Variants in RANBP2 observed in about 807,000 individuals in gnomAD.
RANBP2 encodes E3 SUMO-protein ligase RanBP2.
In RANBP2, 57 loss-of-function variants were observed where a neutral mutation model predicts 303.6. The observed-to-expected ratio is 0.19, with a 90% CI of 0.15 to 0.23. The LOEUF (loss-of-function observed/expected upper bound fraction) is 0.23, where lower values mean the gene tolerates loss of function less well. RANBP2 is among the 10% of genes least tolerant of loss of function. The pLI, the probability that RANBP2 is intolerant of heterozygous loss-of-function variation, is 1.00. For synonymous variants in RANBP2, 1,167 were observed against 1,301.5 expected (o/e 0.90, Z 2.23); for missense variants, 3,138 against 3,780.8 (o/e 0.83, Z 4.46).
chr2:109,155,986 A>G, the RANBP2 span, among the ~76,000 whole-genome samples: 1 of 152,304 alleles, frequency 6.6e-6, no homozygotes, highest in East Asian at 1.9e-4. Context: ...CTCTGCAGGG[A>G]TTCTCTGGGG....
At chr2:109,189,196 T>C in the RANBP2 span, among the ~76,000 whole-genome samples, 2 of 151,188 alleles carry the variant, frequency 1.3e-5, no homozygotes, top group South Asian at 4.2e-4. Context: ...CTGCTTCTGA[T>C]ACCCCCGAGA....
At chr2:109,421,440 C>G in the RANBP2 span, among the ~76,000 whole-genome samples, 1 of 152,254 alleles carries the variant, frequency 6.6e-6, no homozygotes, top group Non-Finnish European at 1.5e-5. Context: ...AAGAAGGCTT[C>G]TCTGTCCTGG....
chr2:108,931,250 G>T, the RANBP2 span, among the ~76,000 whole-genome samples: 1 of 152,262 alleles, frequency 6.6e-6, no homozygotes, highest in Non-Finnish European at 1.5e-5. Flanking sequence ...CTGGGAGGGA[G>T]CCTGAGAGGA....
chr2:109,304,395 C>A, the RANBP2 span, among the ~76,000 whole-genome samples: 1 of 152,130 alleles, frequency 6.6e-6, no homozygotes, highest in African/African-American at 2.4e-5. Context: ...CCAAGTTCAT[C>A]CATGTTGTCA....
At chr2:109,474,165 G>A in the RANBP2 span, among the ~76,000 whole-genome samples, 1 of 152,198 alleles carries the variant, frequency 6.6e-6, no homozygotes, top group African/African-American at 2.4e-5. Context: ...GGCCGCACCT[G>A]CGTAAGAGCA....
chr2:109,045,386 C>T, the RANBP2 span, among the ~76,000 whole-genome samples: 3 of 152,146 alleles, frequency 2.0e-5, no homozygotes, highest in Non-Finnish European at 4.4e-5. Context: ...CACTGTAACC[C>T]TTTTCCCGTA....
chr2:108,721,630 A>G (rs1359516469), intron 1 of RANBP2, among the ~76,000 whole-genome samples: 1 of 152,018 alleles, frequency 6.6e-6, no homozygotes, highest in Non-Finnish European at 1.5e-5. Context: ...TATTTTTGGT[A>G]GAGACTGGGT....
the RANBP2 span, among the ~76,000 whole-genome samples, chr2:109,440,992 G>C: frequency 3.3e-5 from 5 of 152,122 alleles, no homozygotes; most frequent in African/African-American, 1.2e-4. Context: ...ATCTACACAG[G>C]ACCTTGCCTC....
the RANBP2 span, among the ~76,000 whole-genome samples, chr2:109,750,730 T>TAATAA: frequency 2.4e-3 from 201 of 82,916 alleles, 22 homozygotes; most frequent in Non-Finnish European, 3.9e-3. Flanking sequence ...ATAATAATAA[T>TAATAA]TTTTTTTTTT....
chr2:108,751,578 A>G lies in RANBP2; in HGVS notation c.1506A>G (p.Lys502=). 6.2e-7 allele frequency: 1 copy of G among 1,611,014 alleles called. No homozygotes were observed. The highest frequency in any genetic ancestry group is 8.5e-7 in the Non-Finnish European group (1 of 1,179,248). ...CCAGCCACTTACAATTAAAGGAGAA[A>G]TGTAATTCTCACCACAGCTCCTATC... ...VYTSHLQLKE[K]CNSHHSSYQP... Residue 502 remains lysine, a synonymous_variant, in exon 11 of 29, where the codon AAA becomes AAG. Transcript: ENST00000283195.
the RANBP2 span, among the ~76,000 whole-genome samples, chr2:108,810,776 A>T: frequency 9.1e-3 from 1,384 of 152,310 alleles, 13 homozygotes; most frequent in Middle Eastern, 0.031. Flanking sequence ...TCATTGAGTG[A>T]ATTTAAAAGT....
the RANBP2 span, among the ~76,000 whole-genome samples, chr2:109,640,064 GCTGTGAATATCTCTTTCCTTCTT>G: frequency 1.3e-5 from 2 of 151,672 alleles, no homozygotes; most frequent in Admixed American, 6.6e-5. Flanking sequence ...TCTCCGCAAA[GCTGTGAATATCTCTTTCCTTCTT>G]CTGCCTTCTA....
chr2:108,857,597 G>T, the RANBP2 span, among the ~76,000 whole-genome samples: 2 of 152,088 alleles, frequency 1.3e-5, no homozygotes, highest in African/African-American at 2.4e-5. Context: ...GTCCTATATT[G>T]TCTGATGTAT....
the RANBP2 span, among the ~76,000 whole-genome samples, chr2:109,687,845 G>T: frequency 2.6e-5 from 4 of 151,956 alleles, no homozygotes; most frequent in South Asian, 8.3e-4. Context: ...CCGGACTCAG[G>T]TGATCCTTCC....
chr2:109,758,426 A>T, the RANBP2 span, among the ~76,000 whole-genome samples: 141 of 134,372 alleles, frequency 1.0e-3, 1 homozygote, highest in Non-Finnish European at 1.9e-3. Context: ...AAAAAAAAAA[A>T]TCCTCACAAT....
At chr2:109,572,885 G>T in the RANBP2 span, among the ~76,000 whole-genome samples, 244 of 152,192 alleles carry the variant, frequency 1.6e-3, 2 homozygotes, top group South Asian at 9.5e-3. Context: ...AAAGTGCTGG[G>T]ATTACAGGCA....
At chr2:109,467,693 G>A in the RANBP2 span, among the ~76,000 whole-genome samples, 2 of 152,238 alleles carry the variant, frequency 1.3e-5, no homozygotes, top group African/African-American at 2.4e-5. Flanking sequence ...AAGAGAGGAC[G>A]AGCATGATTT....
chr2:109,671,287 C>T, the RANBP2 span, among the ~76,000 whole-genome samples: 1,010 of 151,836 alleles, frequency 6.7e-3, 7 homozygotes, highest in African/African-American at 0.022. Flanking sequence ...AGGTGGCCAG[C>T]TGCAGCCAGG....
At chr2:109,210,713 G>A in the RANBP2 span, among the ~76,000 whole-genome samples, 3 of 152,272 alleles carry the variant, frequency 2.0e-5, no homozygotes, top group South Asian at 2.1e-4. Context: ...TTTTCCTCCC[G>A]GGGTTCTCTC....
Sources: gnomAD v4.1 joint callset for allele counts (sites outside exome capture counted in the v4.1 genomes callset) on GRCh38, gnomAD v4.1.1 for gene constraint, MANE v1.5 for transcripts, NCBI Gene and HGNC (gene_info 2026-07-23, HGNC 2026-07-21) for gene names.